Variants in MTHFD2L observed in about 807,000 individuals in gnomAD.
MTHFD2L encodes bifunctional methylenetetrahydrofolate dehydrogenase/cyclohydrolase 2, mitochondrial.
MTHFD2L carries 29 observed loss-of-function variants against 34.9 expected under a neutral mutation model. That is an observed-to-expected ratio of 0.83 (90% CI 0.62 to 1.13). The LOEUF is 1.13. Among genes scored for constraint, MTHFD2L ranks in the 50% most tolerant of loss-of-function variants. The pLI, the probability that MTHFD2L is intolerant of heterozygous loss-of-function variation, is 0.00. For missense variants in MTHFD2L, 481 were observed against 446.5 expected (o/e 1.08, Z -0.70); for synonymous variants, 167 against 155.7 (o/e 1.07, Z -0.54).
chr4:74,188,960 T>C, intron 3 of MTHFD2L, among the ~76,000 whole-genome samples: 1 of 151,746 alleles, frequency 6.6e-6, no homozygotes, highest in East Asian at 1.9e-4. Flanking sequence ...AATAAAACTA[T>C]ATAGTAAAGG....
At chr4:74,209,552 C>A (rs1735948781) in intron 5 of MTHFD2L, among the ~76,000 whole-genome samples, 1 of 152,168 alleles carries the variant, frequency 6.6e-6, no homozygotes, top group Non-Finnish European at 1.5e-5. Context: ...GCATAGTATT[C>A]CATGGTGTAT....
At chr4:74,121,616 A>T (rs1721763450), upstream of MTHFD2L, among the ~76,000 whole-genome samples, 2 of 145,504 alleles carry the variant, frequency 1.4e-5, no homozygotes, top group South Asian at 2.1e-4. Flanking sequence ...TTATTTAATT[A>T]TATATAATTA....
chr4:74,230,011 G>A (rs565942715), intron 6 of MTHFD2L, among the ~76,000 whole-genome samples: 24 of 152,230 alleles, frequency 1.6e-4, no homozygotes, highest in African/African-American at 5.5e-4. Flanking sequence ...TGGTTGCCCA[G>A]TAAATGTGAG....
chr4:74,151,144 A>G (rs1028896184), intron 1 of MTHFD2L, among the ~76,000 whole-genome samples: 2 of 152,168 alleles, frequency 1.3e-5, no homozygotes, highest in African/African-American at 4.8e-5. Context: ...ATTCTAAACC[A>G]GGTGCACTTT....
intron 6 of MTHFD2L, among the ~76,000 whole-genome samples, chr4:74,256,858 A>T (rs540765321): frequency 7.2e-5 from 11 of 152,256 alleles, no homozygotes; most frequent in Non-Finnish European, 1.3e-4. Flanking sequence ...TATAGGTTGA[A>T]GTTGGGTAAT....
chr4:74,176,116 C>T (rs959722789), intron 3 of MTHFD2L, among the ~76,000 whole-genome samples: 1 of 151,988 alleles, frequency 6.6e-6, no homozygotes, highest in South Asian at 2.1e-4. Flanking sequence ...GTCACTTCAT[C>T]TGAGATGTTG....
At chr4:74,233,988 A>G (rs770401110) in intron 6 of MTHFD2L, among the ~76,000 whole-genome samples, 13 of 152,070 alleles carry the variant, frequency 8.5e-5, no homozygotes, top group Non-Finnish European at 1.5e-4. Flanking sequence ...CATTGATAGC[A>G]ATATCCAAAA....
At chr4:74,166,751 C>T (rs1023927499) in intron 1 of MTHFD2L, among the ~76,000 whole-genome samples, 1 of 152,208 alleles carries the variant, frequency 6.6e-6, no homozygotes, top group Non-Finnish European at 1.5e-5. Flanking sequence ...TCCAGCTGAG[C>T]CTCTGCAGAC....
chr4:74,135,279 A>G (rs1378747664), intron 1 of MTHFD2L, among the ~76,000 whole-genome samples: 1 of 152,100 alleles, frequency 6.6e-6, no homozygotes, highest in African/African-American at 2.4e-5. Flanking sequence ...AAAAAAAGAG[A>G]GAAGACCCAA....
At chr4:74,200,370 G>T (rs116309282) in intron 4 of MTHFD2L, among the ~76,000 whole-genome samples, 2 of 151,902 alleles carry the variant, frequency 1.3e-5, no homozygotes, top group African/African-American at 4.8e-5. Context: ...AAAATGAAAC[G>T]AAGAGCATTA....
intron 6 of MTHFD2L, among the ~76,000 whole-genome samples, chr4:74,270,676 G>A (rs948756452): frequency 6.6e-6 from 1 of 152,138 alleles, no homozygotes; most frequent in Admixed American, 6.5e-5. Context: ...AATCCTTTGG[G>A]TATATACCCA....
At chr4:74,288,735 C>T (rs1030816167) in intron 7 of MTHFD2L, among the ~76,000 whole-genome samples, 2 of 152,080 alleles carry the variant, frequency 1.3e-5, no homozygotes, top group Admixed American at 6.6e-5. Context: ...CAGATCTTAC[C>T]CTGAGCTTTC....
intron 6 of MTHFD2L, among the ~76,000 whole-genome samples, chr4:74,236,705 G>A (rs552617104): frequency 1.2e-4 from 19 of 152,312 alleles, no homozygotes; most frequent in African/African-American, 4.1e-4. Context: ...GGTGCGTAAC[G>A]CACATATATT....
intron 3 of MTHFD2L, among the ~76,000 whole-genome samples, chr4:74,189,228 T>G (rs1387473652): frequency 6.6e-6 from 1 of 152,168 alleles, no homozygotes; most frequent in African/African-American, 2.4e-5. Context: ...ATCCAATTTC[T>G]GCACTTGAAG....
rs191553722 is a variant in MTHFD2L, at chr4:74,225,305, A to G, written c.716A>G (p.Asp239Gly). Residue 239 changes from aspartate (D) to glycine (G), a missense_variant, in exon 6 of 8, where the codon GAT (aspartate) becomes GGT (glycine). Asp to Gly is a moderately conservative substitution (Grantham distance 94). Coordinates refer to ENST00000325278, the MANE Select transcript of MTHFD2L (RefSeq NM_001144978.3). ...TDGEHERPGGDATVTIAHRYT... is the reference protein window; with the variant it reads ...TDGEHERPGGGATVTIAHRYT... ...TAGAAATTCTTCTGTATTCCAGGTG[A>G]TGCAACTGTGACAATAGCTCACAGA... is the stretch of plus-strand genomic sequence containing the variant. The G allele has an allele frequency of 1.2e-6, 2 of 1,611,308 alleles. No homozygotes were observed. Among genetic ancestry groups the G allele is most frequent in the Non-Finnish European group, 1.7e-6 (2 of 1,178,330 alleles).
At chr4:74,259,511 A>G (rs754987496) in intron 6 of MTHFD2L, among the ~76,000 whole-genome samples, 35 of 152,084 alleles carry the variant, frequency 2.3e-4, no homozygotes, top group Non-Finnish European at 4.1e-4. Flanking sequence ...CCCCTGAGGC[A>G]CAGATCTGGA....
chr4:74,165,732 G>C (rs1726556225), intron 1 of MTHFD2L, among the ~76,000 whole-genome samples: 1 of 152,150 alleles, frequency 6.6e-6, no homozygotes, highest in Non-Finnish European at 1.5e-5. Flanking sequence ...TTAGACAATG[G>C]TTATTTTAGT....
intron 1 of MTHFD2L, among the ~76,000 whole-genome samples, chr4:74,164,336 G>T (rs1726179539): frequency 6.6e-6 from 1 of 152,160 alleles, no homozygotes; most frequent in Admixed American, 6.5e-5. Context: ...CTACTTTTTT[G>T]TGGAAGAGTA....
At position 74,129,371 on chromosome 4, in the gene MTHFD2L, A is replaced by G. The variant is rs552059241; in HGVS notation, c.-297+3854A>G. ...AAACACTCTTCAGCAAATGCAAAAG[A>G]ACAGTAATCATAATAAACAGACTCT... On this transcript the variant is annotated intron_variant, in intron 1 of 7. Coordinates refer to the MTHFD2L transcript ENST00000433372. 3.3e-5 allele frequency among the ~76,000 whole-genome samples: 5 copies of G among 152,312 alleles called. No homozygotes were observed. The East Asian group carries it at 9.6e-4, about 29-fold the overall frequency.
Sources: gnomAD v4.1 joint callset for allele counts (sites outside exome capture counted in the v4.1 genomes callset) on GRCh38, gnomAD v4.1.1 for gene constraint, MANE v1.5 for transcripts, NCBI Gene and HGNC (gene_info 2026-07-23, HGNC 2026-07-21) for gene names.